KATNIP: variants seen among roughly 807,000 people sequenced by gnomAD.
KATNIP encodes the protein katanin interacting protein.
A neutral mutation model predicts 174.0 loss-of-function variants in KATNIP; 126 were observed. That is an observed-to-expected ratio of 0.72 (90% confidence interval 0.63 to 0.84). The LOEUF is 0.84. KATNIP is among the 40% of genes least tolerant of loss of function. KATNIP has a pLI of 0.00. For missense variants in KATNIP, 1,958 were observed against 2,109.7 expected (o/e 0.93, Z 1.41); for synonymous variants, 810 against 835.7 (o/e 0.97, Z 0.53).
Position 27,761,321 on chromosome 16 carries a change from A to G in KATNIP, c.3632-92A>G, listed in dbSNP as rs1201919838. On this transcript the variant is annotated intron_variant, in intron 18 of 27. Transcript: ENST00000261588. ...GTCTGGGTTGAAGTTGCTAGAATAT[A>G]GAGGCCGAATAGCATTCCTCTTCCT... 10 of 1,334,084 alleles carry G rather than the reference A, an allele frequency of 7.5e-6. No individual in the cohort carries two copies. The East Asian group carries it at 1.9e-4, about 25-fold the overall frequency. 82.6% of individuals were successfully genotyped at this position (1,334,084 alleles called of 1,614,324 possible).
chr16:27,673,519 G>T (rs911953635), intron 6 of KATNIP, among the ~76,000 whole-genome samples: 1 of 152,184 alleles, frequency 6.6e-6, no homozygotes, highest in African/African-American at 2.4e-5. Flanking sequence ...AACACCAGTG[G>T]TGAACCCGCA....
chr16:27,693,823 C>T (rs1219431539), intron 8 of KATNIP, among the ~76,000 whole-genome samples: 1 of 152,166 alleles, frequency 6.6e-6, no homozygotes, highest in East Asian at 1.9e-4. Flanking sequence ...TCTGTTGGCC[C>T]TTACAACATT....
At chr16:27,753,066 G>T (rs539497176) in intron 17 of KATNIP, among the ~76,000 whole-genome samples, 1 of 152,048 alleles carries the variant, frequency 6.6e-6, no homozygotes, top group Non-Finnish European at 1.5e-5. Context: ...ATTGTACCTC[G>T]CAGCCAGGCA....
Position 27,593,528 on chromosome 16 carries a change from G to A in KATNIP, c.63+19572G>A, listed in dbSNP as rs548513958. Among the ~76,000 whole-genome samples the A allele has an allele frequency of 1.3e-4, 19 of 151,866 alleles. No homozygotes were observed. The South Asian group carries it at 2.9e-3, about 23-fold the overall frequency. On this transcript the variant is annotated intron_variant, in intron 2 of 27. Coordinates refer to ENST00000261588, the MANE Select transcript of KATNIP (RefSeq NM_015202.5). Reference sequence around the variant, plus strand: ...GCTGGGATTACAGGCGTGAGCCACCGTGTCCGTCCTAAACTTTTTTTTAGG... The same window carrying A: ...GCTGGGATTACAGGCGTGAGCCACCATGTCCGTCCTAAACTTTTTTTTAGG...
chr16:27,568,272 T>C (rs1400314381), intron 1 of KATNIP, among the ~76,000 whole-genome samples: 2 of 152,216 alleles, frequency 1.3e-5, no homozygotes, highest in East Asian at 3.8e-4. Context: ...ATTTGTTCAG[T>C]GACTTATTAT....
In KATNIP at chr16:27,638,835, AT is replaced by A. The variant is rs35773237; in HGVS notation, c.408+7694del. Reference sequence around the variant, plus strand: ...ACTCTCCTCCTGGCTGTCTTGCTGGATTTTTTTTTTTTTTTTTTTTTGAGAC... The same window carrying A: ...ACTCTCCTCCTGGCTGTCTTGCTGGATTTTTTTTTTTTTTTTTTTTGAGAC... On this transcript the variant is annotated intron_variant, in intron 5 of 27. Transcript: ENST00000261588. Among the ~76,000 whole-genome samples the A allele has an allele frequency of 5.9e-3, 655 of 110,762 alleles. 5 individuals carry two copies. The highest frequency in any genetic ancestry group is 0.019 in the African/African-American group (521 of 27,478). The allele number at this position is 110,762 out of a possible 152,430, so 72.7% of individuals were successfully genotyped here.
intron 15 of KATNIP, among the ~76,000 whole-genome samples, chr16:27,746,965 T>C (rs1302899364): frequency 6.6e-6 from 1 of 151,872 alleles, no homozygotes; most frequent in East Asian, 1.9e-4. Context: ...AGTGACAGAG[T>C]GGACATGTCT....
At position 27,593,614 on chromosome 16, in the gene KATNIP, C is replaced by T. The variant is rs918794563; in HGVS notation, c.63+19658C>T. ...TGGCATGATCATAACTCACTGCAGC[C>T]TCGACCTCCCAGGCCAAGCGATCCT... On this transcript the variant is annotated intron_variant, in intron 2 of 27. Coordinates refer to ENST00000261588, the MANE Select transcript of KATNIP (RefSeq NM_015202.5). Among the ~76,000 whole-genome samples the T allele has an allele frequency of 3.3e-5, 5 of 152,166 alleles. No individual in the cohort carries two copies. The South Asian group carries it at 1.0e-3, about 32-fold the overall frequency.
Position 27,628,708 on chromosome 16 carries a change from A to T in KATNIP, c.188A>T (p.Glu63Val), listed in dbSNP as rs1477626413. ...KSKDPVQLRL[E>V]HLEQGFSVYV... ...AAGGACCCCGTGCAATTGAGGCTGG[A>T]GCACTTGGAGCAAGGTTTCTCTGTC... The change falls in exon 4 of 28, where the codon GAG becomes GTG. Residue 63 changes from glutamate (E) to valine (V), a missense_variant. Physicochemically the swap from Glu to Val is moderately radical, Grantham distance 121 (BLOSUM62 -2). This residue lies in a region of KATNIP where 1,557 missense variants were observed against 1,617.8 expected (regional missense o/e 0.96). Coordinates refer to ENST00000261588, the MANE Select transcript of KATNIP (RefSeq NM_015202.5). The T allele has an allele frequency of 6.2e-7, 1 of 1,614,122 alleles. No individual in the cohort carries two copies. The highest frequency in any genetic ancestry group is 8.5e-7 in the Non-Finnish European group (1 of 1,180,034).
chr16:27,605,885 T>C (rs772483018), intron 2 of KATNIP, among the ~76,000 whole-genome samples: 6 of 152,152 alleles, frequency 3.9e-5, no homozygotes, highest in Non-Finnish European at 8.8e-5. Flanking sequence ...ATCCCAGCAC[T>C]TTGGGAGGCC....
intron 7 of KATNIP, among the ~76,000 whole-genome samples, 171 bp downstream of exon 7, chr16:27,678,167 G>T (rs1223944643): frequency 6.6e-6 from 1 of 152,162 alleles, no homozygotes; most frequent in Non-Finnish European, 1.5e-5. Flanking sequence ...CTTCCCAAAG[G>T]CTTCCTCAGG....
intron 12 of KATNIP, 135 bp downstream of exon 12, chr16:27,704,133 C>T: frequency 3.0e-6 from 2 of 674,992 alleles, no homozygotes; most frequent in East Asian, 2.7e-5. Flanking sequence ...CCCCCCCCCT[C>T]CCTGGCACAC....
intron 2 of KATNIP, among the ~76,000 whole-genome samples, chr16:27,611,746 G>T (rs974506869): frequency 5.9e-5 from 9 of 152,218 alleles, no homozygotes; most frequent in African/African-American, 2.2e-4. Flanking sequence ...AGGCTCAGAT[G>T]AGATAAACAG....
intron 1 of KATNIP, among the ~76,000 whole-genome samples, chr16:27,558,480 T>G (rs552095247): frequency 6.6e-6 from 1 of 152,312 alleles, no homozygotes; most frequent in African/African-American, 2.4e-5. Context: ...GGGAATATAT[T>G]ATCTGCCTTT....
intron 17 of KATNIP, among the ~76,000 whole-genome samples, chr16:27,752,943 T>C (rs903440195): frequency 6.6e-6 from 1 of 151,674 alleles, no homozygotes; most frequent in Non-Finnish European, 1.5e-5. Context: ...TTAAACAGGG[T>C]AGGGGAGAAA....
intron 1 of KATNIP, among the ~76,000 whole-genome samples, chr16:27,562,217 G>A (rs922218638): frequency 6.6e-6 from 1 of 152,128 alleles, no homozygotes; most frequent in Non-Finnish European, 1.5e-5. Context: ...TGAGGTGGGC[G>A]GATCACTGAA....
At chr16:27,699,458 G>A in intron 9 of KATNIP, 76 bp from the exon 10 acceptor site, 1 of 1,589,448 alleles carries the variant, frequency 6.3e-7, no homozygotes, top group Non-Finnish European at 8.6e-7. Flanking sequence ...CCTTTTCTGT[G>A]CCCTCATCTT....
intron 13 of KATNIP, among the ~76,000 whole-genome samples, chr16:27,719,929 C>T (rs2080143588): frequency 6.6e-6 from 1 of 152,164 alleles, no homozygotes; most frequent in Admixed American, 6.5e-5. Flanking sequence ...GCCTCAGCCT[C>T]CCAAGTCACT....
chr16:27,681,249 A>G (rs1379776983), intron 7 of KATNIP, 150 bp from the exon 8 acceptor site: 6 of 985,058 alleles, frequency 6.1e-6, no homozygotes, highest in African/African-American at 4.8e-5. Flanking sequence ...CGTCGCCTGC[A>G]TTATTCACAT....
Sources: allele counts gnomAD v4.1 joint callset (sites outside exome capture counted in the v4.1 genomes callset), GRCh38; gene constraint gnomAD v4.1.1; regional missense constraint gnomAD v4.1.1; transcripts MANE v1.5; gene names NCBI Gene and HGNC (gene_info 2026-07-23, HGNC 2026-07-21).